Variants in SSH2 observed in about 807,000 individuals in gnomAD.
SSH2 encodes protein phosphatase Slingshot homolog 2.
SSH2 carries 37 observed loss-of-function variants against 135.2 expected under a neutral mutation model. The observed-to-expected ratio is 0.27, with a 90% CI of 0.21 to 0.36. SSH2 has a LOEUF of 0.36. Among genes scored for constraint, SSH2 ranks in the 10% least tolerant of loss-of-function variants. The pLI is 1.00. For synonymous variants in SSH2, 628 were observed against 646.2 expected, an observed-to-expected ratio of 0.97 and a Z score of 0.43; for missense variants, 1,408 against 1,765.3, an observed-to-expected ratio of 0.80 and a Z score of 3.63.
In SSH2 at chr17:29,631,339, A is replaced by C; in HGVS notation, c.3855T>G (p.Ala1285=). The C allele has an allele frequency of 6.2e-7, 1 of 1,614,028 alleles. No homozygotes were observed. Among genetic ancestry groups the C allele is most frequent in the East Asian group, 2.2e-5 (1 of 44,892 alleles). The change falls in exon 16 of 16, where the codon GCT becomes GCG. Residue 1285 remains alanine, a synonymous_variant. Coordinates refer to ENST00000540801, the MANE Select transcript of SSH2 (RefSeq NM_001282129.2). ...LTKPSQMRRS[A]SLAKLGYLDL... ...CCAAGTAACCTAATTTGGCGAGAGA[A>C]GCTGAGCGCCTCATTTGGGATGGTT...
Position 29,632,425 on chromosome 17 carries a change from A to T in SSH2, c.2769T>A (p.Arg923=). ...CAGAAGAATCATTCTTTGAATTCTT[A>T]CGAGTGGACAATGAGGTACATGTTG... The part of the protein sequence containing the change: ...AAPTCTSLST[R]KNSKNDSSVA... The change falls in exon 16 of 16, where the codon CGT becomes CGA. Residue 923 remains arginine, a synonymous_variant. Coordinates refer to ENST00000540801, the MANE Select transcript of SSH2 (RefSeq NM_001282129.2). 1.2e-6 allele frequency: 2 copies of T among 1,614,176 alleles called. No homozygotes were observed. The highest frequency in any genetic ancestry group is 3.3e-5 in the Admixed American group (2 of 60,032).
chr17:29,730,897 A>G (rs186814362), intron 3 of SSH2, among the ~76,000 whole-genome samples: 176 of 152,358 alleles, frequency 1.2e-3, no homozygotes, highest in African/African-American at 4.1e-3. Context: ...TGTTACCTTC[A>G]GAATACAGCT....
chr17:29,894,893 T>G (rs1206075988), intron 1 of SSH2, among the ~76,000 whole-genome samples: 1 of 148,954 alleles, frequency 6.7e-6, no homozygotes, highest in Non-Finnish European at 1.5e-5. Context: ...CAATACAGCT[T>G]CAGATGTGCA....
At chr17:29,742,145 C>A (rs1368176695) in intron 3 of SSH2, among the ~76,000 whole-genome samples, 1 of 151,810 alleles carries the variant, frequency 6.6e-6, no homozygotes, top group Non-Finnish European at 1.5e-5. Context: ...CCGTGTTCAA[C>A]AAGATGGTCT....
chr17:29,634,201 T>C (rs754022450), intron 15 of SSH2, among the ~76,000 whole-genome samples: 9 of 152,076 alleles, frequency 5.9e-5, no homozygotes, highest in Non-Finnish European at 1.0e-4. Flanking sequence ...AGAATCACAG[T>C]GGGGTAGTTA....
At chr17:29,719,401 A>G (rs2039741034) in intron 3 of SSH2, among the ~76,000 whole-genome samples, 2 of 151,758 alleles carry the variant, frequency 1.3e-5, no homozygotes, top group Admixed American at 1.3e-4. Flanking sequence ...AATCCCAGCT[A>G]CTCGGGAGGC....
chr17:29,861,806 C>G (rs182316532), intron 1 of SSH2, among the ~76,000 whole-genome samples: 31 of 152,328 alleles, frequency 2.0e-4, no homozygotes, highest in Middle Eastern at 3.4e-3. Context: ...ATCCGCCCAC[C>G]TGGGCCTCCC....
At chr17:29,787,000 T>C (rs140181732) in intron 3 of SSH2, among the ~76,000 whole-genome samples, 44 of 152,284 alleles carry the variant, frequency 2.9e-4, no homozygotes, top group African/African-American at 9.9e-4. Flanking sequence ...AACATAAAAA[T>C]TTCCATCTTA....
chr17:29,770,629 C>A (rs1477681403), intron 3 of SSH2, among the ~76,000 whole-genome samples: 1 of 151,952 alleles, frequency 6.6e-6, no homozygotes, highest in Non-Finnish European at 1.5e-5. Context: ...TGCACCACCA[C>A]GCCCAGGTAA....
At chr17:29,761,540 C>T (rs2041307104) in intron 3 of SSH2, 1 of 614,586 alleles carries the variant, frequency 1.6e-6, no homozygotes, top group African/African-American at 2.0e-5. Flanking sequence ...GATCTCGGGA[C>T]GCCCGCGCGG....
At position 29,632,689 on chromosome 17, in the gene SSH2, G is replaced by T. The variant is rs141417402; in HGVS notation, c.2505C>A (p.Asp835Glu). ...CTAGTTCAGGCTGGGCTGTGCAGGA[G>T]TCCTCATCTTGCTCCATATGTCCAG... ...NKPGHMEQDE[D>E]SCTAQPELAK... Residue 835 changes from aspartate (D) to glutamate (E), a missense_variant, in exon 16 of 16, where the codon GAC (aspartate) becomes GAA (glutamate). Physicochemically the swap from Asp to Glu is conservative, Grantham distance 45 (BLOSUM62 2). Around this residue, in one of 3 missense-constraint regions of SSH2, gnomAD observed 1,080 missense variants for 1,144.5 expected, o/e 0.94. Transcript: ENST00000540801. 5.0e-6 allele frequency: 8 copies of T among 1,614,156 alleles called. No homozygotes were observed. The highest frequency in any genetic ancestry group is 5.9e-6 in the Non-Finnish European group (7 of 1,180,040).
At chr17:29,856,062 G>A in intron 1 of SSH2, 1 of 350,392 alleles carries the variant, frequency 2.9e-6, no homozygotes, top group Non-Finnish European at 5.5e-6. Context: ...CATCAACTTA[G>A]TTATCCAGGA....
At chr17:29,689,518 T>C (rs950213195) in intron 5 of SSH2, among the ~76,000 whole-genome samples, 1 of 152,184 alleles carries the variant, frequency 6.6e-6, no homozygotes. Context: ...ATTTTAATTG[T>C]CTAAACAAAA....
intron 1 of SSH2, among the ~76,000 whole-genome samples, chr17:29,899,113 T>C (rs1281145267): frequency 2.0e-5 from 3 of 152,086 alleles, no homozygotes; most frequent in Admixed American, 6.6e-5. Context: ...AAATTAGGTA[T>C]TGATGGGACG....
At chr17:29,868,604 A>T (rs748792785) in intron 1 of SSH2, among the ~76,000 whole-genome samples, 1 of 152,130 alleles carries the variant, frequency 6.6e-6, no homozygotes, top group Non-Finnish European at 1.5e-5. Context: ...TGGGCGTGGC[A>T]GCTTGTGCCT....
chr17:29,672,916 AG>A (rs773528345), intron 8 of SSH2, among the ~76,000 whole-genome samples: 1 of 152,072 alleles, frequency 6.6e-6, no homozygotes, highest in Non-Finnish European at 1.5e-5. Flanking sequence ...CATGTTGGTC[AG>A]GCTGGTCTCA....
chr17:29,655,518 C>T, intron 12 of SSH2, 43 bp downstream of exon 12: 1 of 1,590,586 alleles, frequency 6.3e-7, no homozygotes, highest in Non-Finnish European at 8.6e-7. Context: ...AAAACAGGGA[C>T]TTCTGTTACA....
At chr17:29,788,201 G>C (rs1048955127) in intron 3 of SSH2, among the ~76,000 whole-genome samples, 1 of 152,068 alleles carries the variant, frequency 6.6e-6, no homozygotes, top group Non-Finnish European at 1.5e-5. Context: ...ATTATTCTCG[G>C]CTTATCTGTG....
chr17:29,873,557 TA>T (rs997753861), intron 1 of SSH2, among the ~76,000 whole-genome samples: 421 of 140,154 alleles, frequency 3.0e-3, no homozygotes, highest in Middle Eastern at 0.011. Context: ...AGACTATGTT[TA>T]AAAAAAAAAA....
Sources: allele counts gnomAD v4.1 joint callset (sites outside exome capture counted in the v4.1 genomes callset), GRCh38; gene constraint gnomAD v4.1.1; regional missense constraint gnomAD v4.1.1; transcripts MANE v1.5; gene names NCBI Gene and HGNC (gene_info 2026-07-23, HGNC 2026-07-21).